The following PARP8 variants were observed in gnomAD, a reference collection of about 807,000 sequenced individuals.
The protein encoded by PARP8 is poly(ADP-ribose) polymerase family member 8, also known as protein mono-ADP-ribosyltransferase PARP8.
PARP8 carries 51 observed loss-of-function variants against 124.1 expected under a neutral mutation model. That is an observed-to-expected ratio of 0.41 (90% CI 0.33 to 0.52). The LOEUF is 0.52. PARP8 is among the 20% of genes least tolerant of loss of function. The pLI is 0.21. For missense variants in PARP8, 860 were observed against 1,018.9 expected, an observed-to-expected ratio of 0.84 and a Z score of 2.12; for synonymous variants, 391 against 361.5, an observed-to-expected ratio of 1.08 and a Z score of -0.93.
At chr5:50,776,533 T>C (rs1454951210) in intron 7 of PARP8, among the ~76,000 whole-genome samples, 1 of 152,220 alleles carries the variant, frequency 6.6e-6, no homozygotes, top group Non-Finnish European at 1.5e-5. Context: ...TTTTTATCCC[T>C]TTATGTAACA....
chr5:50,739,006 G>A, intron 2 of PARP8: 1 of 702,476 alleles, frequency 1.4e-6, no homozygotes, highest in Non-Finnish European at 2.6e-6. Context: ...CTTCCCAGTG[G>A]GTGTGAGAAG....
intron 2 of PARP8, among the ~76,000 whole-genome samples, chr5:50,712,762 A>T (rs1754899227): frequency 6.6e-6 from 1 of 152,064 alleles, no homozygotes; most frequent in Non-Finnish European, 1.5e-5. Context: ...AGAAACAAAT[A>T]TGGATCTGGT....
At chr5:50,779,511 C>T (rs1038557042) in intron 9 of PARP8, among the ~76,000 whole-genome samples, 7 of 152,096 alleles carry the variant, frequency 4.6e-5, no homozygotes, top group South Asian at 2.1e-4. Context: ...AGTGCCTGTC[C>T]GACACATAGC....
At chr5:50,705,875 T>C (rs1393709551) in intron 2 of PARP8, among the ~76,000 whole-genome samples, 1 of 152,218 alleles carries the variant, frequency 6.6e-6, no homozygotes, top group Non-Finnish European at 1.5e-5. Context: ...TGCCTGCATT[T>C]CATTGATACT....
intron 7 of PARP8, among the ~76,000 whole-genome samples, chr5:50,768,780 A>T (rs1468092747): frequency 6.6e-6 from 1 of 152,150 alleles, no homozygotes; most frequent in Non-Finnish European, 1.5e-5. Context: ...AATCCTGATG[A>T]CTGGGTCGCT....
chr5:50,739,965 G>A (rs986806406), intron 2 of PARP8, among the ~76,000 whole-genome samples: 5 of 151,660 alleles, frequency 3.3e-5, no homozygotes, highest in Non-Finnish European at 7.4e-5. Context: ...TGGCCAGGCT[G>A]GTCTTGAACT....
At position 50,794,980 on chromosome 5, in the gene PARP8, G is replaced by C. The variant is rs754310103; in HGVS notation, c.991G>C (p.Val331Leu). ...TTCCAGCACAGTCAAGACTGATGATGTGTGTGTCACAAAGTCACACAGGAC... is the reference window on the plus strand; with the variant it reads ...TTCCAGCACAGTCAAGACTGATGATCTGTGTGTCACAAAGTCACACAGGAC... ...TCSSTVKTDD[V>L]CVTKSHRTFG... The change falls in exon 12 of 26, where the codon GTG becomes CTG. Residue 331 changes from valine to leucine, a missense_variant. By Grantham distance (32) the Val-to-Leu change is conservative. Transcript: ENST00000281631. 1.2e-6 allele frequency: 2 copies of C among 1,614,218 alleles called. No homozygotes were observed. The highest frequency in any genetic ancestry group is 1.7e-6 in the Non-Finnish European group (2 of 1,180,042).
chr5:50,777,993 A>G, intron 7 of PARP8, 76 bp from the exon 8 acceptor site: 1 of 1,115,502 alleles, frequency 9.0e-7, no homozygotes, highest in Non-Finnish European at 1.3e-6. Flanking sequence ...TTAAAATTTT[A>G]AATAAAATAA....
Position 50,823,062 on chromosome 5 carries a change from T to C in PARP8, c.1860+662T>C, listed in dbSNP as rs77167252. The stretch of plus-strand genomic sequence containing the variant: ...TCATTGTAAGTAGAAATTAATAATC[T>C]GAGATTGACAACGCACATTATGTGT... On this transcript the variant is annotated intron_variant, in intron 17 of 25. Coordinates refer to ENST00000281631, the MANE Select transcript of PARP8 (RefSeq NM_024615.4). Among the ~76,000 whole-genome samples, 839 of 152,364 alleles carry C rather than the reference T, an allele frequency of 5.5e-3. 6 individuals carry two copies. Among genetic ancestry groups the C allele is most frequent in the African/African-American group, 0.019 (786 of 41,576 alleles).
chr5:50,764,042 C>A (rs1760820969), intron 7 of PARP8, among the ~76,000 whole-genome samples: 1 of 152,198 alleles, frequency 6.6e-6, no homozygotes, highest in South Asian at 2.1e-4. Context: ...CTTCAAATCC[C>A]ACTGCTGTCT....
chr5:50,737,579 T>C (rs1757598061), intron 2 of PARP8, among the ~76,000 whole-genome samples: 4 of 152,168 alleles, frequency 2.6e-5, no homozygotes, highest in Non-Finnish European at 5.9e-5. Context: ...ATTAAAACAG[T>C]ATCAACAGTA....
chr5:50,737,818 T>C (rs1003736677), intron 2 of PARP8, among the ~76,000 whole-genome samples: 1 of 152,222 alleles, frequency 6.6e-6, no homozygotes, highest in Admixed American at 6.5e-5. Flanking sequence ...TCTTAGATTT[T>C]TGTAACTGAG....
At chr5:50,783,089 T>C (rs985373195) in intron 9 of PARP8, among the ~76,000 whole-genome samples, 1 of 151,058 alleles carries the variant, frequency 6.6e-6, no homozygotes, top group African/African-American at 2.4e-5. Context: ...GCTGCAACCA[T>C]GGAGAAGATA....
rs780036271 is a variant in PARP8, at chr5:50,795,384, A to G, written c.1395A>G (p.Leu465=). 110 of 1,603,334 alleles carry G rather than the reference A, an allele frequency of 6.9e-5. No individual in the cohort carries two copies. Among genetic ancestry groups the G allele is most frequent in the Non-Finnish European group, 8.3e-5 (98 of 1,176,830 alleles). The change falls in exon 12 of 26, where the codon CTA becomes CTG. Residue 465 remains leucine, a synonymous_variant. Coordinates refer to ENST00000281631, the MANE Select transcript of PARP8 (RefSeq NM_024615.4). ...LSLTSGLIGI[L]TPSSSSSSQL... Reference sequence around the variant, plus strand: ...TTACCTCAGGGCTTATTGGTATCCTAACACCATCTTCATCTTCATCTTCTC... The same window carrying G: ...TTACCTCAGGGCTTATTGGTATCCTGACACCATCTTCATCTTCATCTTCTC...
chr5:50,801,232 T>C (rs1464387695), intron 14 of PARP8, among the ~76,000 whole-genome samples: 1 of 152,102 alleles, frequency 6.6e-6, no homozygotes, highest in Non-Finnish European at 1.5e-5. Flanking sequence ...TCCGAGTAGC[T>C]GGGATTACAG....
At chr5:50,710,251 C>T (rs1224775221) in intron 2 of PARP8, among the ~76,000 whole-genome samples, 1 of 151,756 alleles carries the variant, frequency 6.6e-6, no homozygotes, top group Non-Finnish European at 1.5e-5. Flanking sequence ...ATTTTTGCTG[C>T]TGTTATCATA....
chr5:50,673,566 T>TA (rs2149435126), intron 2 of PARP8, among the ~76,000 whole-genome samples: 1 of 152,272 alleles, frequency 6.6e-6, no homozygotes, highest in Non-Finnish European at 1.5e-5. Flanking sequence ...TTACAGTTAG[T>TA]AAGAGCCATA....
intron 2 of PARP8, among the ~76,000 whole-genome samples, chr5:50,721,285 T>G (rs920639395): frequency 9.9e-5 from 15 of 152,000 alleles, no homozygotes; most frequent in Non-Finnish European, 1.9e-4. Context: ...AACATGTCAT[T>G]TAAACACCAA....
At chr5:50,743,903 G>T (rs1323298441) in intron 2 of PARP8, among the ~76,000 whole-genome samples, 2 of 152,084 alleles carry the variant, frequency 1.3e-5, no homozygotes, top group Non-Finnish European at 2.9e-5. Flanking sequence ...CTTAAAGTGG[G>T]ATCTAACTGG....
Sources: allele counts gnomAD v4.1 joint callset (sites outside exome capture counted in the v4.1 genomes callset), GRCh38; gene constraint gnomAD v4.1.1; transcripts MANE v1.5; gene names NCBI Gene and HGNC (gene_info 2026-07-23, HGNC 2026-07-21).